The following ZNF423 variants were observed in gnomAD, a reference collection of about 807,000 sequenced individuals.
ZNF423 encodes Ebf-associated zinc finger protein.
In ZNF423, 12 loss-of-function variants were observed where a neutral mutation model predicts 95.8. That is an observed-to-expected ratio of 0.13 (90% CI 0.08 to 0.20). The LOEUF (loss-of-function observed/expected upper bound fraction) is 0.20, where lower values mean the gene tolerates loss of function less well. Among genes scored for constraint, ZNF423 ranks in the 10% least tolerant of loss-of-function variants. The probability of loss-of-function intolerance (pLI) is 1.00; values close to 1 mark genes in which losing one functional copy is unlikely to be tolerated. For synonymous variants in ZNF423, 749 were observed against 711.9 expected (o/e 1.05, Z -0.83); for missense variants, 1,316 against 1,737.1 (o/e 0.76, Z 4.31).
At chr16:49,807,137 AAAGCCC>A (rs1044548490) in intron 1 of ZNF423, among the ~76,000 whole-genome samples, 55 of 151,814 alleles carry the variant, frequency 3.6e-4, no homozygotes, top group African/African-American at 1.2e-3. Flanking sequence ...TTTCATATTA[AAAGCCC>A]AAGCCAGGCC....
At chr16:49,669,588 G>A (rs920329428) in intron 3 of ZNF423, among the ~76,000 whole-genome samples, 1 of 152,230 alleles carries the variant, frequency 6.6e-6, no homozygotes, top group African/African-American at 2.4e-5. Context: ...TTCCTTACGG[G>A]ATCTGGGCCC....
chr16:49,508,402 C>T (rs12597120), intron 7 of ZNF423, among the ~76,000 whole-genome samples: 30,891 of 151,332 alleles, frequency 0.2, 3,248 homozygotes, highest in African/African-American at 0.28. Flanking sequence ...CACCTGTAGT[C>T]CCAGCTACTC....
intron 7 of ZNF423, among the ~76,000 whole-genome samples, chr16:49,514,899 A>G (rs1368580650): frequency 2.6e-5 from 4 of 152,210 alleles, no homozygotes; most frequent in African/African-American, 9.6e-5. Flanking sequence ...GCACACATAC[A>G]CGCGCTGTGA....
intron 3 of ZNF423, among the ~76,000 whole-genome samples, chr16:49,714,327 C>G (rs909601554): frequency 8.5e-4 from 130 of 152,292 alleles, no homozygotes; most frequent in African/African-American, 3.1e-3. Context: ...TATTTCAACA[C>G]GCAGCCAGGG....
chr16:49,689,683 C>T (rs886785315), intron 3 of ZNF423, among the ~76,000 whole-genome samples: 1 of 152,082 alleles, frequency 6.6e-6, no homozygotes, highest in Admixed American at 6.5e-5. Context: ...CGTGTGGCAC[C>T]CCGGGGGCCC....
At chr16:49,780,274 A>G (rs896755684) in intron 2 of ZNF423, among the ~76,000 whole-genome samples, 16 of 152,176 alleles carry the variant, frequency 1.1e-4, no homozygotes, top group Admixed American at 7.2e-4. Context: ...GTGGAGCCCA[A>G]TGGGGGCCCC....
chr16:49,634,691 G>A (rs372166280), intron 4 of ZNF423, among the ~76,000 whole-genome samples: 13 of 152,124 alleles, frequency 8.5e-5, no homozygotes, highest in East Asian at 1.9e-4. Flanking sequence ...CCTGAGATCC[G>A]CCTGGCACCT....
rs534807771 is a variant in ZNF423 at position 49,627,679 on chromosome 16, C to A, written c.3517-1425G>T. Among the ~76,000 whole-genome samples the A allele has an allele frequency of 2.6e-5, 4 of 151,104 alleles. No individual in the cohort carries two copies. In the East Asian group the frequency reaches 5.9e-4, roughly 22 times the overall value. On this transcript the variant is annotated intron_variant, in intron 4 of 7. Transcript: ENST00000563137. ...ATCTACACACACACATACCCATATACCCATTCATCCATCCTCCATCTACCC... is the reference window on the plus strand; with the variant it reads ...ATCTACACACACACATACCCATATAACCATTCATCCATCCTCCATCTACCC...
At chr16:49,729,661 T>TATC (rs1036755106) in intron 3 of ZNF423, among the ~76,000 whole-genome samples, 7 of 147,416 alleles carry the variant, frequency 4.7e-5, no homozygotes, top group African/African-American at 1.7e-4. Context: ...TTATTATTAT[T>TATC]ATTATTATTA....
intron 3 of ZNF423, chr16:49,708,353 C>A (rs529096638): frequency 6.6e-6 from 1 of 151,882 alleles, no homozygotes; most frequent in African/African-American, 2.4e-5. Context: ...TAGAGTGTAG[C>A]GGCAAGATCT....
At chr16:49,843,636 C>A (rs564137011) in intron 1 of ZNF423, among the ~76,000 whole-genome samples, 19 of 152,314 alleles carry the variant, frequency 1.2e-4, no homozygotes, top group African/African-American at 4.1e-4. Flanking sequence ...TGCCCAAAGT[C>A]AGAGTATGTT....
intron 5 of ZNF423, among the ~76,000 whole-genome samples, chr16:49,568,125 G>A (rs1970248630): frequency 6.6e-6 from 1 of 152,162 alleles, no homozygotes; most frequent in Non-Finnish European, 1.5e-5. Context: ...GCCAATGAGT[G>A]TATGCCATGC....
At chr16:49,655,653 GC>G (rs1354150359) in intron 3 of ZNF423, among the ~76,000 whole-genome samples, 1 of 152,160 alleles carries the variant, frequency 6.6e-6, no homozygotes, top group Non-Finnish European at 1.5e-5. Context: ...GTCCAACCCA[GC>G]CAGCTTTTCC....
At position 49,839,099 on chromosome 16, in the gene ZNF423, G is replaced by T. The variant is rs1174122684; in HGVS notation, c.40+16636C>A. ...CCTCCCCAACTGCCACCCCACCCTG[G>T]ATTTCTTCCTCCTCTCCGACCCTTG... On this transcript the variant is annotated intron_variant, in intron 1 of 7. Transcript: ENST00000563137. Among the ~76,000 whole-genome samples the T allele has an allele frequency of 2.1e-5, 3 of 141,960 alleles. No individual in the cohort carries two copies. The Admixed American group carries it at 2.2e-4, about 10-fold the overall frequency. 93.1% of individuals were successfully genotyped at this position (141,960 alleles called of 152,430 possible).
chr16:49,791,731 G>C (rs1413126052), intron 1 of ZNF423, among the ~76,000 whole-genome samples: 1 of 152,206 alleles, frequency 6.6e-6, no homozygotes, highest in Non-Finnish European at 1.5e-5. Flanking sequence ...GCCGAACACA[G>C]TGGTTTATGC....
At chr16:49,540,993 A>G (rs1969226488) in intron 5 of ZNF423, among the ~76,000 whole-genome samples, 1 of 152,186 alleles carries the variant, frequency 6.6e-6, no homozygotes, top group Admixed American at 6.5e-5. Flanking sequence ...CCCATGGCTG[A>G]GCCCCTCCTG....
intron 5 of ZNF423, among the ~76,000 whole-genome samples, chr16:49,572,737 A>T (rs991758212): frequency 6.6e-6 from 1 of 152,102 alleles, no homozygotes; most frequent in Admixed American, 6.6e-5. Flanking sequence ...TGGATGGAGC[A>T]GGTGGTGGTG....
intron 5 of ZNF423, among the ~76,000 whole-genome samples, chr16:49,585,424 G>T (rs183097425): frequency 7.2e-5 from 11 of 152,092 alleles, no homozygotes; most frequent in African/African-American, 2.7e-4. Context: ...ACCCATAGCC[G>T]CTGTACAGCC....
At chr16:49,517,531 C>T (rs975990531) in intron 7 of ZNF423, among the ~76,000 whole-genome samples, 2 of 152,088 alleles carry the variant, frequency 1.3e-5, no homozygotes, top group African/African-American at 2.4e-5. Flanking sequence ...GTGGGGTGAG[C>T]GTGGGCAGGT....
Sources: allele counts gnomAD v4.1 joint callset (sites outside exome capture counted in the v4.1 genomes callset), GRCh38; gene constraint gnomAD v4.1.1; transcripts MANE v1.5; gene names NCBI Gene and HGNC (gene_info 2026-07-23, HGNC 2026-07-21).